AASS: variants seen among roughly 807,000 people sequenced by gnomAD.
AASS encodes the protein aminoadipate-semialdehyde synthase, also known as alpha-aminoadipic semialdehyde synthase, mitochondrial.
A neutral mutation model predicts 105.4 loss-of-function variants in AASS; 86 were observed. The ratio of observed to expected loss-of-function variants is 0.82; its 90% CI spans 0.69 to 0.98. AASS has a LOEUF of 0.98. AASS is among the 50% of genes least tolerant of loss of function. The probability of loss-of-function intolerance (pLI) is 0.00; values close to 1 mark genes in which losing one functional copy is unlikely to be tolerated. For synonymous variants in AASS, 381 were observed against 394.8 expected, an observed-to-expected ratio of 0.96 and a Z score of 0.41; for missense variants, 1,048 against 1,143.2, an observed-to-expected ratio of 0.92 and a Z score of 1.20.
Position 122,101,432 on chromosome 7 carries a change from T to A in AASS, c.1345A>T (p.Ile449Phe). The A allele has an allele frequency of 1.9e-6, 3 of 1,609,670 alleles. No individual in the cohort carries two copies. Among genetic ancestry groups the A allele is most frequent in the Non-Finnish European group, 2.5e-6 (3 of 1,176,536 alleles). Residue 449 changes from isoleucine (I) to phenylalanine (F), a missense_variant, in exon 13 of 24, where the codon ATT becomes TTT. Coordinates refer to ENST00000417368, the MANE Select transcript of AASS (RefSeq NM_005763.4). ...NFSPVVRDAV[I>F]TSNGTLPDKY... ...TCAGGTAATGTACCGTTGGATGTAA[T>A]CACTGCCTAAATGTATATGACACAA...
intron 1 of AASS, 74 bp from the exon 2 acceptor site, chr7:122,133,815 A>G: frequency 2.3e-6 from 3 of 1,287,376 alleles, no homozygotes; most frequent in Middle Eastern, 4.7e-4. Flanking sequence ...CTCCTGAGAA[A>G]TCTGAGGTAA....
At chr7:122,124,153 A>G (rs899636426) in intron 4 of AASS, among the ~76,000 whole-genome samples, 5 of 152,154 alleles carry the variant, frequency 3.3e-5, no homozygotes, top group African/African-American at 1.2e-4. Flanking sequence ...GCACACTTGT[A>G]CTGTCCTCTC....
Position 122,076,128 on chromosome 7 carries a change from C to T in AASS, c.*361G>A, listed in dbSNP as rs550113312. On this transcript the variant is annotated 3_prime_UTR_variant, in exon 24 of 24. Transcript: ENST00000417368. The stretch of plus-strand genomic sequence containing the variant: ...GGCGGAGCTTGCAGTGAGCCGAGAT[C>T]GCGCCACTGCACTCCAGCCTGGGTG... The T allele has an allele frequency of 1.1e-4, 24 of 227,242 alleles. No individual in the cohort carries two copies. The highest frequency in any genetic ancestry group is 5.7e-4 in the African/African-American group (24 of 42,322). The allele number at this position is 227,242 out of a possible 1,614,324, so 14.1% of individuals were successfully genotyped here. A position where few individuals can be genotyped will look rare whatever the true frequency, so the allele number is the denominator to read the frequency against.
intron 8 of AASS, among the ~76,000 whole-genome samples, chr7:122,116,176 T>C (rs1218888251): frequency 6.6e-6 from 1 of 152,162 alleles, no homozygotes; most frequent in Non-Finnish European, 1.5e-5. Context: ...GTGGGGATGG[T>C]CTGCACTTAT....
intron 15 of AASS, among the ~76,000 whole-genome samples, chr7:122,097,353 A>AATTTATTT (rs560190662): frequency 6.6e-6 from 1 of 151,898 alleles, no homozygotes; most frequent in Non-Finnish European, 1.5e-5. Flanking sequence ...TTCAAAACCA[A>AATTTATTT]ATTTATTTAT....
At chr7:122,114,935 G>T (rs960405069) in intron 9 of AASS, 139 bp downstream of exon 9, 216 of 1,090,164 alleles carry the variant, frequency 2.0e-4, no homozygotes, top group Middle Eastern at 2.8e-4. Flanking sequence ...TAACAGTGTT[G>T]AGTACTGCCA....
chr7:122,084,609 T>C (rs1793531399), intron 19 of AASS, among the ~76,000 whole-genome samples: 1 of 151,726 alleles, frequency 6.6e-6, no homozygotes, highest in African/African-American at 2.4e-5. Context: ...AATAAAACCA[T>C]GGTTACCAGG....
chr7:122,101,187 G>A (rs1794412869), intron 13 of AASS, among the ~76,000 whole-genome samples, 184 bp downstream of exon 13: 1 of 151,792 alleles, frequency 6.6e-6, no homozygotes, highest in East Asian at 1.9e-4. Flanking sequence ...ACTGTTAAGT[G>A]GGAAACAGTC....
In AASS at chr7:122,077,917, A is replaced by G. The variant is rs777824271; in HGVS notation, c.2583T>C (p.Tyr861=). The part of the protein sequence containing the change: ...LEHKTIDLVA[Y]GDINGFSAMA... ...TGGCTGAAAAGCCATTGATGTCCCC[A>G]TAAGCCACAAGATCAATCGTTTTAT... Residue 861 remains tyrosine, a synonymous_variant, in exon 23 of 24, where the codon TAT becomes TAC. Coordinates refer to ENST00000417368, the MANE Select transcript of AASS (RefSeq NM_005763.4). 6.2e-7 allele frequency: 1 copy of G among 1,614,082 alleles called. No individual in the cohort carries two copies. The highest frequency in any genetic ancestry group is 8.5e-7 in the Non-Finnish European group (1 of 1,180,034).
At chr7:122,117,886 C>T (rs901991118) in intron 6 of AASS, among the ~76,000 whole-genome samples, 4 of 151,988 alleles carry the variant, frequency 2.6e-5, no homozygotes, top group African/African-American at 9.7e-5. Context: ...GAACTCCTGA[C>T]CTCAGGTGAT....
chr7:122,137,545 T>C (rs1170730589), intron 1 of AASS, among the ~76,000 whole-genome samples: 3 of 152,202 alleles, frequency 2.0e-5, no homozygotes, highest in African/African-American at 4.8e-5. Context: ...AGATAAATTC[T>C]AGATTTCTGG....
intron 18 of AASS, among the ~76,000 whole-genome samples, chr7:122,089,293 T>C (rs1303639357): frequency 6.6e-6 from 1 of 152,158 alleles, no homozygotes; most frequent in Non-Finnish European, 1.5e-5. Context: ...TGTCTGATTC[T>C]TTGATTCAGT....
chr7:122,113,650 T>C lies in AASS; in HGVS notation c.1114A>G (p.Ile372Val), dbSNP rs1266274090. 6.8e-6 allele frequency: 11 copies of C among 1,613,778 alleles called. No homozygotes were observed. The highest frequency in any genetic ancestry group is 5.5e-5 in the South Asian group (5 of 91,074). Residue 372 changes from isoleucine (I) to valine (V), a missense_variant, in exon 10 of 24, where the codon ATA (isoleucine) becomes GTA (valine). Physicochemically the swap from Ile to Val is conservative, Grantham distance 29 (BLOSUM62 3). Transcript: ENST00000417368. ...SIEFMTECTT[I>V]EHPFCMYDAD... ...TCATACATGCAAAAGGGATGCTCTA[T>C]TGTTGTACACTCAGTCATAAACTCT... is the stretch of plus-strand genomic sequence containing the variant.
At chr7:122,132,950 A>C (rs1391070743) in intron 2 of AASS, among the ~76,000 whole-genome samples, 1 of 152,164 alleles carries the variant, frequency 6.6e-6, no homozygotes, top group Non-Finnish European at 1.5e-5. Context: ...CTGAACATAG[A>C]CTATATAAGA....
chr7:122,096,780 TA>T (rs1173499925), intron 15 of AASS, among the ~76,000 whole-genome samples: 5 of 152,174 alleles, frequency 3.3e-5, no homozygotes, highest in Non-Finnish European at 5.9e-5. Flanking sequence ...ACTAGTTTGC[TA>T]AATTTTAAAA....
chr7:122,129,066 A>G (rs1795790951), intron 3 of AASS, among the ~76,000 whole-genome samples: 1 of 152,184 alleles, frequency 6.6e-6, no homozygotes. Flanking sequence ...TGACAGAGCA[A>G]GACTCCATCT....
At position 122,098,607 on chromosome 7, in the gene AASS, G is replaced by A. The variant is rs374952529; in HGVS notation, c.1529-31C>T. 3.8e-6 allele frequency: 6 copies of A among 1,598,424 alleles called. No individual in the cohort carries two copies. The African/African-American group carries it at 5.4e-5, about 14-fold the overall frequency. On this transcript the variant is annotated intron_variant, in intron 14 of 23. Transcript: ENST00000417368. ...TCAGTAATTAAAAGTCACATTTTTA[G>A]ATATGTCAGAGTAAAATATATTTTA...
intron 11 of AASS, among the ~76,000 whole-genome samples, chr7:122,107,011 T>A (rs1794699905): frequency 3.3e-5 from 5 of 151,998 alleles, no homozygotes; most frequent in Admixed American, 2.6e-4. Flanking sequence ...AAGTCTAATA[T>A]CTAGCTTCTA....
chr7:122,092,794 C>A (rs998148014), intron 17 of AASS, 49 bp downstream of exon 17: 9 of 1,431,660 alleles, frequency 6.3e-6, no homozygotes, highest in Non-Finnish European at 8.9e-6. Context: ...ATTCTGTACA[C>A]AAGAATTTAG....
Sources: allele counts gnomAD v4.1 joint callset (sites outside exome capture counted in the v4.1 genomes callset), GRCh38; gene constraint gnomAD v4.1.1; transcripts MANE v1.5; gene names NCBI Gene and HGNC (gene_info 2026-07-23, HGNC 2026-07-21).